Variants in LDB2 observed in about 807,000 individuals in gnomAD.
LDB2 encodes LIM domain-binding protein 2.
LDB2 carries 12 observed loss-of-function variants against 44.3 expected under a neutral mutation model. The ratio of observed to expected loss-of-function variants is 0.27; its 90% CI spans 0.17 to 0.44. The LOEUF (loss-of-function observed/expected upper bound fraction) is 0.44. Among genes scored for constraint, LDB2 ranks in the 20% least tolerant of loss-of-function variants. The pLI is 1.00. For missense variants in LDB2, 344 were observed against 473.5 expected (o/e 0.73, Z 2.54); for synonymous variants, 164 against 174.8 (o/e 0.94, Z 0.49).
intron 5 of LDB2, among the ~76,000 whole-genome samples, chr4:16,540,470 A>G (rs1413662648): frequency 2.6e-5 from 4 of 152,130 alleles, no homozygotes; most frequent in Non-Finnish European, 4.4e-5. Context: ...TAGTTCTCAA[A>G]AGGTTGGCAT....
chr4:16,769,598 A>G (rs1184073521), intron 1 of LDB2, among the ~76,000 whole-genome samples: 3 of 148,846 alleles, frequency 2.0e-5, no homozygotes, highest in African/African-American at 7.5e-5. Context: ...GCCCAGCCCT[A>G]TGGGATTTTT....
chr4:16,802,081 T>C (rs574974770), intron 1 of LDB2, among the ~76,000 whole-genome samples: 1 of 152,286 alleles, frequency 6.6e-6, no homozygotes, highest in African/African-American at 2.4e-5. Flanking sequence ...ATTAGCGAAA[T>C]AATGTGTAGG....
At chr4:16,574,991 C>T (rs1267046808) in intron 5 of LDB2, among the ~76,000 whole-genome samples, 2 of 152,120 alleles carry the variant, frequency 1.3e-5, no homozygotes, top group Non-Finnish European at 2.9e-5. Flanking sequence ...TTATTAATGC[C>T]TCTGCCATTC....
chr4:16,559,821 G>C (rs1037691369), intron 5 of LDB2, among the ~76,000 whole-genome samples: 16 of 152,070 alleles, frequency 1.1e-4, no homozygotes, highest in Non-Finnish European at 2.9e-5. Flanking sequence ...TGGAAGTAAA[G>C]CTCTCCTCAG....
intron 3 of LDB2, among the ~76,000 whole-genome samples, chr4:16,594,928 T>C (rs1220281240): frequency 2.0e-5 from 3 of 152,220 alleles, no homozygotes; most frequent in Non-Finnish European, 4.4e-5. Context: ...TATTTGTTCT[T>C]ACTAATTTTC....
intron 5 of LDB2, among the ~76,000 whole-genome samples, chr4:16,525,856 TAGAA>T (rs1728047885): frequency 6.6e-6 from 1 of 152,162 alleles, no homozygotes; most frequent in Non-Finnish European, 1.5e-5. Context: ...GCCACTGAGA[TAGAA>T]AGAATAGTGG....
At chr4:16,845,114 T>C (rs1460703048) in intron 1 of LDB2, among the ~76,000 whole-genome samples, 1 of 152,192 alleles carries the variant, frequency 6.6e-6, no homozygotes, top group Non-Finnish European at 1.5e-5. Context: ...AATTTCACTG[T>C]ATTAAAGCTA....
intron 1 of LDB2, among the ~76,000 whole-genome samples, chr4:16,795,857 G>C (rs2109671756): frequency 6.6e-6 from 1 of 152,178 alleles, no homozygotes; most frequent in South Asian, 2.1e-4. Flanking sequence ...AATTGAGATA[G>C]ACAAATGCTA....
intron 2 of LDB2, among the ~76,000 whole-genome samples, chr4:16,645,502 A>T (rs1486277657): frequency 2.8e-5 from 4 of 144,326 alleles, no homozygotes; most frequent in African/African-American, 7.7e-5. Flanking sequence ...GCGCCACTGC[A>T]GTCCGCAGTC....
At chr4:16,825,889 G>A (rs1782960845) in intron 1 of LDB2, among the ~76,000 whole-genome samples, 1 of 151,944 alleles carries the variant, frequency 6.6e-6, no homozygotes, top group Non-Finnish European at 1.5e-5. Context: ...TACAATTAAA[G>A]CACCAAAATA....
At chr4:16,685,372 GT>G (rs111813827) in intron 2 of LDB2, among the ~76,000 whole-genome samples, 16 of 151,802 alleles carry the variant, frequency 1.1e-4, no homozygotes, top group African/African-American at 2.9e-4. Context: ...CATCTCTCAA[GT>G]TTTTTTTGTT....
intron 2 of LDB2, among the ~76,000 whole-genome samples, chr4:16,689,759 T>C (rs1750177833): frequency 6.6e-6 from 1 of 152,236 alleles, no homozygotes; most frequent in African/African-American, 2.4e-5. Context: ...GTGGTCTTGC[T>C]TGGATTACAA....
chr4:16,529,790 A>G (rs1729512559), intron 5 of LDB2, among the ~76,000 whole-genome samples: 1 of 152,190 alleles, frequency 6.6e-6, no homozygotes, highest in Non-Finnish European at 1.5e-5. Flanking sequence ...AAATTGATGC[A>G]ATATATTGCG....
chr4:16,841,155 T>TA (rs1785825193), intron 1 of LDB2, among the ~76,000 whole-genome samples: 1 of 152,164 alleles, frequency 6.6e-6, no homozygotes, highest in Non-Finnish European at 1.5e-5. Context: ...CTTACCCCTG[T>TA]AAAAAAAGAT....
chr4:16,625,876 T>C (rs1730158845), intron 2 of LDB2, among the ~76,000 whole-genome samples: 1 of 152,198 alleles, frequency 6.6e-6, no homozygotes, highest in Admixed American at 6.5e-5. Flanking sequence ...TGGTCCCCGC[T>C]GTTCTGTTCC....
chr4:16,777,447 A>G (rs1772183827), intron 1 of LDB2, among the ~76,000 whole-genome samples: 1 of 149,118 alleles, frequency 6.7e-6, no homozygotes, highest in Non-Finnish European at 1.5e-5. Context: ...GAAGATGCTC[A>G]TCCAGGCATT....
chr4:16,729,362 G>T (rs146738201), intron 2 of LDB2, among the ~76,000 whole-genome samples: 81 of 152,172 alleles, frequency 5.3e-4, no homozygotes, highest in African/African-American at 1.9e-3. Context: ...GCTTACAGGG[G>T]ATCGGCCACA....
chr4:16,718,071 T>C (rs983798974), intron 2 of LDB2, among the ~76,000 whole-genome samples: 5 of 152,214 alleles, frequency 3.3e-5, no homozygotes, highest in South Asian at 2.1e-4. Flanking sequence ...AAGATATCCA[T>C]GTACATTAAA....
chr4:16,672,739 A>G lies in LDB2; in HGVS notation c.236-76864T>C, dbSNP rs192630928. Among the ~76,000 whole-genome samples the G allele has an allele frequency of 2.0e-4, 30 of 152,116 alleles. No homozygotes were observed. The East Asian group carries it at 5.1e-3, about 26-fold the overall frequency. The stretch of plus-strand genomic sequence containing the variant: ...CTCTCTCAGGTCAGGAAAATCACAA[A>G]CAATAGCAATCCTCTTTCCCTGCAG... On this transcript the variant is annotated intron_variant, in intron 2 of 7. Transcript: ENST00000304523.
Sources: allele counts gnomAD v4.1 joint callset (sites outside exome capture counted in the v4.1 genomes callset), GRCh38; gene constraint gnomAD v4.1.1; transcripts MANE v1.5; gene names NCBI Gene and HGNC (gene_info 2026-07-23, HGNC 2026-07-21).